MCCC1: variants seen among roughly 807,000 people sequenced by gnomAD.
The protein encoded by MCCC1 is methylcrotonyl-CoA carboxylase subunit 1, also known as methylcrotonoyl-CoA carboxylase subunit alpha, mitochondrial.
In MCCC1, 64 loss-of-function variants were observed where a neutral mutation model predicts 83.8. The observed-to-expected ratio is 0.76, with a 90% CI of 0.62 to 0.94. The LOEUF (loss-of-function observed/expected upper bound fraction) is 0.94. Among genes scored for constraint, MCCC1 ranks in the 40% least tolerant of loss-of-function variants. The probability of loss-of-function intolerance (pLI) is 0.00; values close to 1 mark genes in which losing one functional copy is unlikely to be tolerated. For missense variants in MCCC1, 807 were observed against 904.7 expected, an observed-to-expected ratio of 0.89 and a Z score of 1.39; for synonymous variants, 322 against 315.4, an observed-to-expected ratio of 1.02 and a Z score of -0.22.
intron 9 of MCCC1, 111 bp downstream of exon 9, chr3:183,052,048 T>C (rs571059605): frequency 1.1e-6 from 1 of 925,848 alleles, no homozygotes; most frequent in African/African-American, 1.6e-5. Flanking sequence ...ACTGTGAATA[T>C]GGTCAAAACA....
intron 13 of MCCC1, among the ~76,000 whole-genome samples, chr3:183,034,489 A>T (rs1174156856): frequency 6.6e-6 from 1 of 151,502 alleles, no homozygotes; most frequent in Non-Finnish European, 1.5e-5. Context: ...ACACGTCCTA[A>T]ACTGGCAGCT....
chr3:183,105,913 C>G (rs34520432), intron 1 of MCCC1, among the ~76,000 whole-genome samples: 491 of 151,916 alleles, frequency 3.2e-3, no homozygotes, highest in Non-Finnish European at 5.9e-3. Flanking sequence ...CATGGTGAAA[C>G]CCTGTCTCTA....
chr3:183,079,129 C>T (rs543890949), intron 4 of MCCC1, among the ~76,000 whole-genome samples: 1 of 152,280 alleles, frequency 6.6e-6, no homozygotes, highest in South Asian at 2.1e-4. Flanking sequence ...TATCATTCCG[C>T]TCCTCATCCC....
intron 5 of MCCC1, among the ~76,000 whole-genome samples, chr3:183,072,026 G>A (rs1040700479): frequency 1.3e-5 from 2 of 151,760 alleles, no homozygotes; most frequent in Non-Finnish European, 2.9e-5. Context: ...GTGCCACCAT[G>A]CCTGGAATTT....
chr3:183,103,999 C>T (rs1719365351), upstream of MCCC1, among the ~76,000 whole-genome samples: 1 of 152,184 alleles, frequency 6.6e-6, no homozygotes, highest in Admixed American at 6.5e-5. Context: ...GTGCTAAGCC[C>T]CTCATTGCCC....
At chr3:183,091,052 G>A (rs1422048704) in intron 3 of MCCC1, 1 of 456,460 alleles carries the variant, frequency 2.2e-6, no homozygotes, top group Non-Finnish European at 4.4e-6. Context: ...GTGGGTAGAG[G>A]GAGAATTGGA....
chr3:183,097,976 G>A (rs550514141), intron 1 of MCCC1, among the ~76,000 whole-genome samples: 2 of 152,116 alleles, frequency 1.3e-5, no homozygotes, highest in South Asian at 2.1e-4. Context: ...GTGCAGTGGC[G>A]TGATCTTAGC....
chr3:183,029,551 C>G (rs1361166077), intron 14 of MCCC1, among the ~76,000 whole-genome samples: 1 of 152,160 alleles, frequency 6.6e-6, no homozygotes, highest in East Asian at 1.9e-4. Context: ...CAACAGTTTC[C>G]ACTGCTGGGT....
At chr3:183,070,113 C>T (rs1295179348) in intron 7 of MCCC1, among the ~76,000 whole-genome samples, 1 of 152,156 alleles carries the variant, frequency 6.6e-6, no homozygotes, top group Admixed American at 6.5e-5. Context: ...GATTATTTAG[C>T]ATGTGTAAAA....
intron 8 of MCCC1, among the ~76,000 whole-genome samples, chr3:183,055,121 T>TGGCC (rs1715309103): frequency 6.6e-6 from 1 of 151,920 alleles, no homozygotes; most frequent in Non-Finnish European, 1.5e-5. Flanking sequence ...GATAAAAAGC[T>TGGCC]GGCCGGGTGC....
chr3:183,063,911 A>G (rs951190443), intron 7 of MCCC1, among the ~76,000 whole-genome samples: 1 of 152,208 alleles, frequency 6.6e-6, no homozygotes, highest in African/African-American at 2.4e-5. Context: ...GGCAAAGGAT[A>G]GGATTGGGTT....
Position 183,022,518 on chromosome 3 carries a change from A to G in MCCC1, c.1768T>C (p.Tyr590His), listed in dbSNP as rs143892743. The change falls in exon 16 of 19, where the codon TAC becomes CAC. Residue 590 changes from tyrosine (Y) to histidine (H), a missense_variant. Physicochemically the swap from Tyr to His is moderately conservative, Grantham distance 83 (BLOSUM62 2). Coordinates refer to ENST00000265594, the MANE Select transcript of MCCC1 (RefSeq NM_020166.5). ...AGGTAAGTGCAGTCTCCCTCGCTGT[A>G]AAGATTACCAAGGACTTGGAAAGTT... The part of the protein sequence containing the change: ...DKTFQVLGNL[Y>H]SEGDCTYLKC... 93 of 1,613,766 alleles carry G rather than the reference A, an allele frequency of 5.8e-5. No individual in the cohort carries two copies. Among genetic ancestry groups the G allele is most frequent in the South Asian group, 9.9e-5 (9 of 91,056 alleles).
At chr3:183,070,969 C>T (rs1315017726) in intron 7 of MCCC1, 30 bp downstream of exon 7, 2 of 1,604,006 alleles carry the variant, frequency 1.2e-6, no homozygotes, top group South Asian at 2.2e-5. Flanking sequence ...AATTTTTAAA[C>T]TCTGAGTCAG....
chr3:183,028,256 C>A (rs183811568), intron 14 of MCCC1, among the ~76,000 whole-genome samples: 1 of 152,244 alleles, frequency 6.6e-6, no homozygotes, highest in Admixed American at 6.5e-5. Context: ...ATATTTTAAG[C>A]CCACTGTTGA....
intron 8 of MCCC1, among the ~76,000 whole-genome samples, chr3:183,056,549 C>CTAT (rs1211228879): frequency 2.0e-5 from 3 of 152,146 alleles, no homozygotes; most frequent in African/African-American, 7.2e-5. Flanking sequence ...TCTCTCTTCT[C>CTAT]TATAATATAA....
intron 9 of MCCC1, among the ~76,000 whole-genome samples, chr3:183,048,032 G>T (rs1274648397): frequency 4.6e-5 from 7 of 152,176 alleles, no homozygotes; most frequent in Non-Finnish European, 1.0e-4. Context: ...TGATGTTACA[G>T]TTGCCACAAT....
chr3:183,074,646 G>T (rs1240818284), intron 4 of MCCC1, among the ~76,000 whole-genome samples: 2 of 152,190 alleles, frequency 1.3e-5, no homozygotes, highest in Non-Finnish European at 2.9e-5. Context: ...TGCAATGCCA[G>T]ATACAGATAA....
intron 3 of MCCC1, among the ~76,000 whole-genome samples, chr3:183,091,598 C>CA (rs915867889): frequency 1.8e-4 from 28 of 151,406 alleles, no homozygotes; most frequent in Non-Finnish European, 3.1e-4. Context: ...CAAAACAAAA[C>CA]AAAAAAAACT....
intron 16 of MCCC1, 56 bp downstream of exon 16, chr3:183,022,361 G>A (rs1164699294): frequency 6.3e-7 from 1 of 1,588,182 alleles, no homozygotes; most frequent in East Asian, 2.2e-5. Context: ...GAATGTCTCT[G>A]GTCAAACAGT....
Sources: allele counts gnomAD v4.1 joint callset (sites outside exome capture counted in the v4.1 genomes callset), GRCh38; gene constraint gnomAD v4.1.1; transcripts MANE v1.5; gene names NCBI Gene and HGNC (gene_info 2026-07-23, HGNC 2026-07-21).